ROBO1: variants seen among roughly 807,000 people sequenced by gnomAD.
ROBO1 encodes the protein roundabout homolog 1.
Under a neutral mutation model 195.9 loss-of-function variants are expected in ROBO1, and 149 were observed. That is an observed-to-expected ratio of 0.76 (90% CI 0.67 to 0.87). ROBO1 has a LOEUF of 0.87. Ranked by LOEUF, ROBO1 falls within the 40% of genes least tolerant of loss-of-function variation. The probability of loss-of-function intolerance (pLI) is 0.00; values close to 1 mark genes in which losing one functional copy is unlikely to be tolerated. For synonymous variants in ROBO1, 816 were observed against 733.2 expected, an observed-to-expected ratio of 1.11 and a Z score of -1.82; for missense variants, 1,933 against 2,068.3, an observed-to-expected ratio of 0.93 and a Z score of 1.27.
At chr3:79,460,412 G>A (rs1371001530) in intron 2 of ROBO1, among the ~76,000 whole-genome samples, 2 of 152,104 alleles carry the variant, frequency 1.3e-5, no homozygotes, top group Non-Finnish European at 2.9e-5. Context: ...TATATTTTAA[G>A]TAGTATTCTG....
chr3:78,632,234 G>C (rs985472869), intron 24 of ROBO1, among the ~76,000 whole-genome samples: 3 of 152,132 alleles, frequency 2.0e-5, no homozygotes, highest in Non-Finnish European at 4.4e-5. Context: ...TCCAAGTCAT[G>C]TAATATATGA....
chr3:78,923,934 A>G (rs886364489), intron 4 of ROBO1, among the ~76,000 whole-genome samples: 1 of 152,124 alleles, frequency 6.6e-6, no homozygotes, highest in Non-Finnish European at 1.5e-5. Context: ...AGTACTTGTT[A>G]TATATGTAGT....
At chr3:79,048,274 A>T (rs2078631432) in intron 3 of ROBO1, among the ~76,000 whole-genome samples, 1 of 152,074 alleles carries the variant, frequency 6.6e-6, no homozygotes, top group South Asian at 2.1e-4. Context: ...GCAGTCATCT[A>T]CTGATCTCTG....
At position 78,641,916 on chromosome 3, in the gene ROBO1, G is replaced by C. The variant is rs893337633; in HGVS notation, c.2883-2018C>G. On this transcript the variant is annotated intron_variant, in intron 21 of 30. Transcript: ENST00000464233. The stretch of plus-strand genomic sequence containing the variant: ...ACATCCTAGTTTTCTGTTTAGACTT[G>C]AATTTGGAATGCTAGTTATTTAAGG... Among the ~76,000 whole-genome samples the C allele has an allele frequency of 7.2e-5, 11 of 152,272 alleles. No individual in the cohort carries two copies. In the East Asian group the frequency reaches 2.1e-3, roughly 29 times the overall value.
chr3:78,857,383 CAATT>C (rs2034518834), intron 4 of ROBO1, among the ~76,000 whole-genome samples: 1 of 152,146 alleles, frequency 6.6e-6, no homozygotes, highest in Non-Finnish European at 1.5e-5. Context: ...ATGCTTTAGA[CAATT>C]AATCATAAGG....
At chr3:79,076,924 T>C (rs1299166324) in intron 3 of ROBO1, among the ~76,000 whole-genome samples, 1 of 151,908 alleles carries the variant, frequency 6.6e-6, no homozygotes, top group Admixed American at 6.6e-5. Context: ...AGTGAATGGA[T>C]ATGGTGACTA....
chr3:79,591,441 CCTCT>C (rs1271797347), intron 1 of ROBO1, among the ~76,000 whole-genome samples: 1 of 151,740 alleles, frequency 6.6e-6, no homozygotes, highest in Non-Finnish European at 1.5e-5. Flanking sequence ...GAGATTATTT[CCTCT>C]CTCTAAATTT....
chr3:79,064,528 T>G (rs1334592731), intron 3 of ROBO1, among the ~76,000 whole-genome samples: 1 of 151,956 alleles, frequency 6.6e-6, no homozygotes, highest in Non-Finnish European at 1.5e-5. Context: ...ATTTTTTAAT[T>G]AAAACATTTT....
intron 4 of ROBO1, among the ~76,000 whole-genome samples, chr3:78,927,254 A>C (rs573732630): frequency 6.6e-6 from 1 of 152,350 alleles, no homozygotes; most frequent in South Asian, 2.1e-4. Flanking sequence ...GGAAGACAAA[A>C]TGGAAACAGA....
At chr3:78,971,385 C>A (rs1302388544) in intron 3 of ROBO1, among the ~76,000 whole-genome samples, 1 of 152,094 alleles carries the variant, frequency 6.6e-6, no homozygotes, top group Non-Finnish European at 1.5e-5. Flanking sequence ...CCTAGCAAGA[C>A]CCTGTCTCAA....
At chr3:79,765,582 G>GTTTCAAA (rs1704941508) in intron 1 of ROBO1, among the ~76,000 whole-genome samples, 1 of 152,170 alleles carries the variant, frequency 6.6e-6, no homozygotes, top group African/African-American at 2.4e-5. Flanking sequence ...TAGCTGCTAG[G>GTTTCAAA]AGAATACAAG....
At chr3:78,603,073 T>G (rs1703269967) in intron 29 of ROBO1, among the ~76,000 whole-genome samples, 1 of 152,210 alleles carries the variant, frequency 6.6e-6, no homozygotes, top group Admixed American at 6.5e-5. Flanking sequence ...GTTTATATTT[T>G]CTACATTTCT....
chr3:79,195,427 A>C (rs572215462), intron 2 of ROBO1, among the ~76,000 whole-genome samples: 3 of 151,720 alleles, frequency 2.0e-5, no homozygotes, highest in African/African-American at 7.2e-5. Context: ...TGTTATAAAT[A>C]AAAAATTAAT....
intron 24 of ROBO1, among the ~76,000 whole-genome samples, chr3:78,632,632 C>A (rs1219520932): frequency 6.6e-6 from 1 of 152,118 alleles, no homozygotes; most frequent in South Asian, 2.1e-4. Flanking sequence ...ATCTTTACAT[C>A]TTTTTACCAT....
intron 2 of ROBO1, among the ~76,000 whole-genome samples, chr3:79,326,173 G>A (rs149600524): frequency 0.074 from 11,281 of 152,158 alleles, 464 homozygotes; most frequent in African/African-American, 0.098. Context: ...AATGATGCCC[G>A]AAACTTCATT....
At chr3:78,893,476 G>A (rs980037856) in intron 4 of ROBO1, among the ~76,000 whole-genome samples, 5 of 152,130 alleles carry the variant, frequency 3.3e-5, no homozygotes, top group Admixed American at 1.3e-4. Flanking sequence ...CTTCAACTGT[G>A]AGAAATAAAT....
chr3:79,621,082 G>A (rs779876672), intron 1 of ROBO1, among the ~76,000 whole-genome samples: 6 of 151,912 alleles, frequency 3.9e-5, no homozygotes, highest in African/African-American at 1.5e-4. Context: ...TACTATTCCT[G>A]TACACCCTTC....
At chr3:78,967,212 G>A (rs1038394755) in intron 3 of ROBO1, among the ~76,000 whole-genome samples, 2 of 152,094 alleles carry the variant, frequency 1.3e-5, no homozygotes, top group Non-Finnish European at 1.5e-5. Context: ...AGGAGCCCTA[G>A]AGCACTGCTT....
chr3:78,644,995 C>T lies in ROBO1; in HGVS notation c.2882+1153G>A, dbSNP rs552285133. On this transcript the variant is annotated intron_variant, in intron 21 of 30. Transcript: ENST00000464233. ...AGAGGCTCTTTCATGAATGTCTGGG[C>T]TGTGATTTAGATGGAATTCCCCTGG... 2.2e-4 allele frequency among the ~76,000 whole-genome samples: 33 copies of T among 152,210 alleles called. No homozygotes were observed. In the South Asian group the frequency reaches 6.8e-3, roughly 32 times the overall value.
Sources: gnomAD v4.1 joint callset for allele counts (sites outside exome capture counted in the v4.1 genomes callset) on GRCh38, gnomAD v4.1.1 for gene constraint, MANE v1.5 for transcripts, NCBI Gene and HGNC (gene_info 2026-07-23, HGNC 2026-07-21) for gene names.